Variants in PHF21A observed in about 807,000 individuals in gnomAD.
PHF21A encodes the protein BHC80a.
Under a neutral mutation model 82.5 loss-of-function variants are expected in PHF21A, and 11 were observed. That is an observed-to-expected ratio of 0.13 (90% CI 0.08 to 0.22). PHF21A has a LOEUF of 0.22. Ranked by LOEUF, PHF21A falls within the 10% of genes least tolerant of loss-of-function variation. The probability of loss-of-function intolerance (pLI) is 1.00; values close to 1 mark genes in which losing one functional copy is unlikely to be tolerated. For missense variants in PHF21A, 579 were observed against 837.8 expected (o/e 0.69, Z 3.81); for synonymous variants, 297 against 302.8 (o/e 0.98, Z 0.20).
chr11:45,956,501 G>A (rs2092650301), intron 10 of PHF21A, among the ~76,000 whole-genome samples: 1 of 151,924 alleles, frequency 6.6e-6, no homozygotes, highest in South Asian at 2.1e-4. Context: ...TAGATTTGAG[G>A]GTACAGTGCA....
intron 6 of PHF21A, among the ~76,000 whole-genome samples, chr11:46,039,961 T>A (rs2096092625): frequency 6.6e-6 from 1 of 152,236 alleles, no homozygotes; most frequent in Non-Finnish European, 1.5e-5. Flanking sequence ...ATGAGTTTAT[T>A]CTTATTTGAT....
At chr11:45,950,952 T>G (rs1396416701) in intron 11 of PHF21A, among the ~76,000 whole-genome samples, 1 of 152,216 alleles carries the variant, frequency 6.6e-6, no homozygotes, top group Non-Finnish European at 1.5e-5. Context: ...ACTATGATTT[T>G]TCAATCACAC....
chr11:45,941,273 A>AT (rs1472558586), intron 15 of PHF21A, among the ~76,000 whole-genome samples: 7 of 152,094 alleles, frequency 4.6e-5, no homozygotes, highest in Admixed American at 2.6e-4. Flanking sequence ...TAATTTTTTT[A>AT]TTTTTTGTAG....
intron 6 of PHF21A, among the ~76,000 whole-genome samples, chr11:46,009,019 C>T (rs1218530360): frequency 6.9e-6 from 1 of 144,360 alleles, no homozygotes; most frequent in South Asian, 2.2e-4. Flanking sequence ...CTGTCGCTCA[C>T]GCTGGAGTGC....
In PHF21A at chr11:45,953,510, T is replaced by C; in HGVS notation, c.1095+17A>G. The C allele has an allele frequency of 6.5e-7, 1 of 1,548,524 alleles. No individual in the cohort carries two copies. The highest frequency in any genetic ancestry group is 8.9e-7 in the Non-Finnish European group (1 of 1,120,358). On this transcript the variant is annotated intron_variant, in intron 11 of 18. Transcript: ENST00000676320. ...TACACCATAGACTGAGACCTGCCTTTGGAAACATAGGCCTACCTGAGGGTT... is the reference window on the plus strand; with the variant it reads ...TACACCATAGACTGAGACCTGCCTTCGGAAACATAGGCCTACCTGAGGGTT...
intron 6 of PHF21A, among the ~76,000 whole-genome samples, chr11:46,070,903 T>A (rs1175338015): frequency 6.6e-6 from 1 of 152,212 alleles, no homozygotes; most frequent in Non-Finnish European, 1.5e-5. Flanking sequence ...TTTTCCCCTG[T>A]GACAGGGTAT....
intron 10 of PHF21A, among the ~76,000 whole-genome samples, chr11:45,964,271 G>C (rs2093304140): frequency 6.7e-6 from 1 of 149,226 alleles, no homozygotes; most frequent in Admixed American, 6.7e-5. Flanking sequence ...ACTTCCTGGG[G>C]TTTGAATAGG....
At chr11:46,065,420 T>C (rs2069855870) in intron 6 of PHF21A, among the ~76,000 whole-genome samples, 1 of 152,160 alleles carries the variant, frequency 6.6e-6, no homozygotes, top group Non-Finnish European at 1.5e-5. Context: ...ACAACAGCAG[T>C]GGTTGCCGAC....
At chr11:46,020,306 C>A (rs974530433) in intron 6 of PHF21A, among the ~76,000 whole-genome samples, 4 of 152,168 alleles carry the variant, frequency 2.6e-5, no homozygotes, top group African/African-American at 9.7e-5. Context: ...GGGGACAACA[C>A]TAGAATTCCC....
chr11:46,116,159 C>G (rs2097286602), intron 1 of PHF21A, among the ~76,000 whole-genome samples: 1 of 152,122 alleles, frequency 6.6e-6, no homozygotes. Flanking sequence ...AAAGCTGAAA[C>G]TCAAGGCTTT....
At chr11:45,993,341 T>G (rs983415113) in intron 6 of PHF21A, among the ~76,000 whole-genome samples, 9 of 152,168 alleles carry the variant, frequency 5.9e-5, no homozygotes, top group African/African-American at 2.2e-4. Flanking sequence ...TTGTAAATTT[T>G]GAAACCCTCT....
chr11:46,033,191 C>T (rs1027321684), intron 6 of PHF21A, among the ~76,000 whole-genome samples: 47 of 152,108 alleles, frequency 3.1e-4, no homozygotes, highest in Non-Finnish European at 5.7e-4. Flanking sequence ...TATGGTATTC[C>T]ACCATAGGAG....
chr11:45,988,814 T>C (rs2094579808), intron 6 of PHF21A, among the ~76,000 whole-genome samples: 1 of 152,038 alleles, frequency 6.6e-6, no homozygotes, highest in African/African-American at 2.4e-5. Flanking sequence ...CTGCTTGAAC[T>C]CAGGAGGTGG....
chr11:46,040,950 G>T (rs1049360631), intron 6 of PHF21A, among the ~76,000 whole-genome samples: 1 of 146,632 alleles, frequency 6.8e-6, no homozygotes, highest in Non-Finnish European at 1.5e-5. Context: ...CACAATTAAG[G>T]TTCTTGATCT....
At chr11:46,000,090 T>C (rs2095064702) in intron 6 of PHF21A, among the ~76,000 whole-genome samples, 1 of 152,180 alleles carries the variant, frequency 6.6e-6, no homozygotes, top group African/African-American at 2.4e-5. Flanking sequence ...ATTAGCCCTT[T>C]TAACTGCTTG....
chr11:45,995,495 G>A (rs912787607), intron 6 of PHF21A, among the ~76,000 whole-genome samples: 3 of 152,118 alleles, frequency 2.0e-5, no homozygotes, highest in Non-Finnish European at 4.4e-5. Context: ...CTCTACTCCC[G>A]GGTTTATAAA....
At chr11:46,040,927 A>G (rs1343614001) in intron 6 of PHF21A, among the ~76,000 whole-genome samples, 2 of 122,938 alleles carry the variant, frequency 1.6e-5, no homozygotes, top group Middle Eastern at 4.1e-3. Context: ...ACACACACAC[A>G]CACACACGCA....
At chr11:46,094,086 A>G (rs2096961171) in intron 1 of PHF21A, among the ~76,000 whole-genome samples, 1 of 152,218 alleles carries the variant, frequency 6.6e-6, no homozygotes, top group African/African-American at 2.4e-5. Flanking sequence ...AATATATAAA[A>G]TATGTTGAAA....
chr11:45,943,026 A>G (rs1374823158), intron 15 of PHF21A, among the ~76,000 whole-genome samples: 1 of 151,516 alleles, frequency 6.6e-6, no homozygotes, highest in East Asian at 1.9e-4. Flanking sequence ...CATAACCTAT[A>G]TTCAATCCTG....
Sources: allele counts gnomAD v4.1 joint callset (sites outside exome capture counted in the v4.1 genomes callset), GRCh38; gene constraint gnomAD v4.1.1; transcripts MANE v1.5; gene names NCBI Gene and HGNC (gene_info 2026-07-23, HGNC 2026-07-21).